Variants in HKDC1 observed in about 807,000 individuals in gnomAD.
The protein encoded by HKDC1 is hexokinase domain containing 1.
A neutral mutation model predicts 96.6 loss-of-function variants in HKDC1; 66 were observed. That is an observed-to-expected ratio of 0.68 (90% CI 0.56 to 0.84). HKDC1 has a LOEUF of 0.84. Ranked by LOEUF, HKDC1 falls within the 40% of genes least tolerant of loss-of-function variation. The pLI, the probability that HKDC1 is intolerant of heterozygous loss-of-function variation, is 0.00. For missense variants in HKDC1, 1,211 were observed against 1,208.1 expected, an observed-to-expected ratio of 1.00 and a Z score of -0.04; for synonymous variants, 466 against 473.1, an observed-to-expected ratio of 0.98 and a Z score of 0.20.
chr10:69,236,997 A>T (rs1390511991), intron 4 of HKDC1, among the ~76,000 whole-genome samples: 2 of 152,172 alleles, frequency 1.3e-5, no homozygotes, highest in East Asian at 3.9e-4. Context: ...GCTCTGCTGC[A>T]GGAGTGGGTT....
chr10:69,231,229 T>C (rs1267219183), intron 2 of HKDC1, among the ~76,000 whole-genome samples: 1 of 152,130 alleles, frequency 6.6e-6, no homozygotes, highest in African/African-American at 2.4e-5. Context: ...TCTATTCTGG[T>C]TGGTGTCAGA....
intron 16 of HKDC1, chr10:69,265,373 A>G (rs1843878759): frequency 3.4e-6 from 2 of 581,692 alleles, no homozygotes. Context: ...AGGCATTCAC[A>G]CTTTATTTTT....
intron 1 of HKDC1, among the ~76,000 whole-genome samples, chr10:69,225,582 T>C (rs993934708): frequency 6.6e-6 from 1 of 152,174 alleles, no homozygotes; most frequent in African/African-American, 2.4e-5. Flanking sequence ...GTGTCTTGGG[T>C]CTGTTCGTTG....
At chr10:69,229,861 C>A (rs1034882725) in intron 2 of HKDC1, among the ~76,000 whole-genome samples, 1 of 152,160 alleles carries the variant, frequency 6.6e-6, no homozygotes, top group Non-Finnish European at 1.5e-5. Context: ...TAAATCCCGG[C>A]ACCATACATG....
intron 9 of HKDC1, 104 bp from the exon 10 acceptor site, chr10:69,248,320 C>T (rs1293170202): frequency 5.3e-5 from 62 of 1,163,628 alleles, no homozygotes; most frequent in South Asian, 1.7e-4. Flanking sequence ...GGCTGAGCCC[C>T]GCCCCGCAGG....
chr10:69,258,684 C>G, intron 14 of HKDC1, 92 bp from the exon 15 acceptor site: 1 of 1,329,442 alleles, frequency 7.5e-7, no homozygotes, highest in Non-Finnish European at 1.1e-6. Flanking sequence ...GTATCTGACT[C>G]CAAGCTTAAA....
chr10:69,256,995 G>A (rs1321981484), intron 12 of HKDC1, 41 bp from the exon 13 acceptor site: 1 of 1,503,730 alleles, frequency 6.7e-7, no homozygotes, highest in East Asian at 2.3e-5. Context: ...AGTGGCCCTA[G>A]CAAACTATTG....
At chr10:69,231,430 C>T (rs1843258048) in intron 2 of HKDC1, among the ~76,000 whole-genome samples, 1 of 152,156 alleles carries the variant, frequency 6.6e-6, no homozygotes, top group Non-Finnish European at 1.5e-5. Context: ...CAAAAGCACA[C>T]TCACTCTTAG....
At position 69,242,358 on chromosome 10, in the gene HKDC1, T is replaced by A. The variant is rs1420600083; in HGVS notation, c.692-824T>A. 2.9e-5 allele frequency among the ~76,000 whole-genome samples: 4 copies of A among 137,502 alleles called. No homozygotes were observed. The South Asian group carries it at 7.5e-4, about 26-fold the overall frequency. 90.2% of individuals were successfully genotyped at this position (137,502 alleles called of 152,430 possible). On this transcript the variant is annotated intron_variant, in intron 6 of 17. Coordinates refer to ENST00000354624, the MANE Select transcript of HKDC1 (RefSeq NM_025130.4). ...TTCCAAATATTACATTCTGCTTTTC[T>A]ACATTTCTCATTTTCCATGTTGGCA...
chr10:69,252,973 C>CGTGTGT (rs57083436), intron 12 of HKDC1, among the ~76,000 whole-genome samples: 3,696 of 140,232 alleles, frequency 0.026, 117 homozygotes, highest in African/African-American at 0.076. Context: ...CATCTCTAAA[C>CGTGTGT]GTGTGTGTGT....
chr10:69,233,889 C>A (rs1843318125), intron 4 of HKDC1, among the ~76,000 whole-genome samples: 1 of 3,184 alleles, frequency 3.1e-4, no homozygotes, highest in Non-Finnish European at 6.1e-4. Context: ...CAGAGCAAGA[C>A]TCCGTCTCAA....
chr10:69,249,759 A>G (rs1469573297), intron 10 of HKDC1, among the ~76,000 whole-genome samples: 1 of 152,150 alleles, frequency 6.6e-6, no homozygotes, highest in East Asian at 1.9e-4. Context: ...TCGGCCTCCC[A>G]AAGTGCTGGG....
intron 17 of HKDC1, 72 bp downstream of exon 17, chr10:69,265,890 C>T (rs1843891159): frequency 1.9e-6 from 2 of 1,080,394 alleles, no homozygotes; most frequent in South Asian, 2.8e-5. Context: ...TTGGCATAGC[C>T]TCCTGAACTG....
At chr10:69,227,421 T>G in intron 2 of HKDC1, 52 bp downstream of exon 2, 1 of 1,603,112 alleles carries the variant, frequency 6.2e-7, no homozygotes. Context: ...GGCTGATGGG[T>G]GTCTAAAGTA....
chr10:69,248,914 A>G (rs1843590288), intron 10 of HKDC1, 186 bp downstream of exon 10: 1 of 589,734 alleles, frequency 1.7e-6, no homozygotes, highest in Non-Finnish European at 2.9e-6. Flanking sequence ...ATTTGCAGTA[A>G]AAACAAAACA....
chr10:69,252,517 G>A (rs1225122078), intron 12 of HKDC1, among the ~76,000 whole-genome samples: 1 of 152,010 alleles, frequency 6.6e-6, no homozygotes, highest in African/African-American at 2.4e-5. Context: ...GTGGTGGCAG[G>A]TGCCTGTAGT....
chr10:69,258,768 C>G lies in HKDC1; in HGVS notation c.2033-8C>G. The G allele has an allele frequency of 1.9e-6, 3 of 1,613,934 alleles. No homozygotes were observed. Among genetic ancestry groups the G allele is most frequent in the Non-Finnish European group, 2.5e-6 (3 of 1,179,884 alleles). ...TGAAGACTAAGGTTCCTTCACAATTCCTTCTAGGAACAGGCAGCAACATGT... is the reference window on the plus strand; with the variant it reads ...TGAAGACTAAGGTTCCTTCACAATTGCTTCTAGGAACAGGCAGCAACATGT... On this transcript the variant is annotated splice_polypyrimidine_tract_variant and splice_region_variant and intron_variant, in intron 14 of 17. Coordinates refer to ENST00000354624, the MANE Select transcript of HKDC1 (RefSeq NM_025130.4).
At chr10:69,230,004 C>T (rs1843226193) in intron 2 of HKDC1, among the ~76,000 whole-genome samples, 1 of 152,218 alleles carries the variant, frequency 6.6e-6, no homozygotes, top group African/African-American at 2.4e-5. Context: ...CAAAACTCTC[C>T]TAATTCCTTA....
intron 4 of HKDC1, among the ~76,000 whole-genome samples, chr10:69,235,116 C>T (rs1042449302): frequency 2.6e-5 from 4 of 151,814 alleles, no homozygotes; most frequent in African/African-American, 4.8e-5. Flanking sequence ...GGCCACAAAG[C>T]GAGACTCCAT....
Sources: allele counts gnomAD v4.1 joint callset (sites outside exome capture counted in the v4.1 genomes callset), GRCh38; gene constraint gnomAD v4.1.1; transcripts MANE v1.5; gene names NCBI Gene and HGNC (gene_info 2026-07-23, HGNC 2026-07-21).